ROCK1: variants seen among roughly 807,000 people sequenced by gnomAD.
ROCK1 encodes the protein rho-associated protein kinase 1.
ROCK1 carries 36 observed loss-of-function variants against 196.8 expected under a neutral mutation model. That is an observed-to-expected ratio of 0.18 (90% CI 0.14 to 0.24). ROCK1 has a LOEUF of 0.24. Among genes scored for constraint, ROCK1 ranks in the 10% least tolerant of loss-of-function variants. The pLI is 1.00. For missense variants in ROCK1, 920 were observed against 1,562.0 expected (o/e 0.59, Z 6.93); for synonymous variants, 443 against 515.9 (o/e 0.86, Z 1.91).
At chr18:20,973,728 T>C (rs566260340) in intron 22 of ROCK1, among the ~76,000 whole-genome samples, 5 of 152,110 alleles carry the variant, frequency 3.3e-5, no homozygotes, top group African/African-American at 4.8e-5. Flanking sequence ...ACCAAGATAA[T>C]GAGTAGCCTT....
At position 20,967,848 on chromosome 18, in the gene ROCK1, C is replaced by T. The variant is rs568092015; in HGVS notation, c.3096G>A (p.Lys1032=). ...GTTCCAGTTGCAGCTTTCGATTTTC[C>T]TTTTCTTTCTTTCTCAAATCTTGTG... ...ANTQDLRKKE[K]ENRKLQLELN... Residue 1032 remains lysine (K), a synonymous_variant, in exon 26 of 33, where the codon AAG becomes AAA. Transcript: ENST00000399799. 5.6e-6 allele frequency: 9 copies of T among 1,609,502 alleles called. No homozygotes were observed. Among genetic ancestry groups the T allele is most frequent in the Non-Finnish European group, 7.6e-6 (9 of 1,177,602 alleles).
intron 10 of ROCK1, among the ~76,000 whole-genome samples, chr18:21,025,523 G>T (rs1390368340): frequency 6.6e-6 from 1 of 152,130 alleles, no homozygotes; most frequent in Non-Finnish European, 1.5e-5. Flanking sequence ...CCAGGGGTTT[G>T]AGACCAGCCT....
intron 12 of ROCK1, 132 bp downstream of exon 12, chr18:21,020,019 G>A (rs1208928222): frequency 4.1e-6 from 2 of 488,226 alleles, no homozygotes; most frequent in South Asian, 3.5e-5. Flanking sequence ...GACACATCAT[G>A]AATGTATTAT....
chr18:20,951,144 T>C lies in ROCK1; in HGVS notation c.*240A>G. 1 of 387,744 alleles carries C rather than the reference T, an allele frequency of 2.6e-6. No homozygotes were observed. The allele number at this position is 387,744 out of a possible 1,614,324, so 24.0% of individuals were successfully genotyped here. ...TTAAAAAAAATATATCTACCTAAGC[T>C]TTCCCCCAACTGTACTTGCATTACA... On this transcript the variant is annotated 3_prime_UTR_variant, in exon 33 of 33. Coordinates refer to ENST00000399799, the MANE Select transcript of ROCK1 (RefSeq NM_005406.3).
intron 9 of ROCK1, among the ~76,000 whole-genome samples, chr18:21,037,467 C>A (rs1297746948): frequency 6.6e-6 from 1 of 151,818 alleles, no homozygotes; most frequent in Non-Finnish European, 1.5e-5. Flanking sequence ...TTTAGCAGGT[C>A]AAAGAGGTCA....
chr18:20,953,279 A>G (rs1437092265), intron 32 of ROCK1: 1 of 234,554 alleles, frequency 4.3e-6, no homozygotes, highest in Non-Finnish European at 8.2e-6. Context: ...TTTTATATGA[A>G]TTTCTGCATT....
chr18:21,093,063 C>T (rs1271928739), intron 1 of ROCK1, among the ~76,000 whole-genome samples: 4 of 152,194 alleles, frequency 2.6e-5, no homozygotes, highest in African/African-American at 7.2e-5. Flanking sequence ...ATGATGCAGA[C>T]CTATGCTCAT....
At position 21,111,782 on chromosome 18, in the gene ROCK1, G is replaced by A. The variant is rs1312808957; in HGVS notation, c.-872C>T. The A allele has an allele frequency of 6.6e-6, 1 of 151,918 alleles. No homozygotes were observed. The highest frequency in any genetic ancestry group is 2.4e-5 in the African/African-American group (1 of 41,340). The allele number at this position is 151,918 out of a possible 1,614,324, so 9.4% of individuals were successfully genotyped here. Reference sequence around the variant, plus strand: ...GAGGGACTAATATGTCCGCCTTCCTGTTCAAACAAACGGAGACCGCCGGGG... The same window carrying A: ...GAGGGACTAATATGTCCGCCTTCCTATTCAAACAAACGGAGACCGCCGGGG... On this transcript the variant is annotated 5_prime_UTR_variant, in exon 1 of 33. Coordinates refer to ENST00000399799, the MANE Select transcript of ROCK1 (RefSeq NM_005406.3). This position sits in a 1 kb window ranked among gnomAD's most constrained non-coding sequence, Gnocchi z 4.2.
At chr18:21,034,360 C>T (rs184131255) in intron 9 of ROCK1, among the ~76,000 whole-genome samples, 2 of 152,210 alleles carry the variant, frequency 1.3e-5, no homozygotes, top group Admixed American at 6.5e-5. Flanking sequence ...TGAAAAAGAA[C>T]GAAGTTGAAA....
chr18:21,008,251 A>C, intron 13 of ROCK1, 57 bp from the exon 14 acceptor site: 1 of 1,278,802 alleles, frequency 7.8e-7, no homozygotes, highest in South Asian at 1.5e-5. Context: ...CATTCATTCA[A>C]GTGAGTATTT....
At chr18:20,959,012 TAATA>T (rs1311310651) in intron 29 of ROCK1, among the ~76,000 whole-genome samples, 7 of 73,432 alleles carry the variant, frequency 9.5e-5, no homozygotes, top group Non-Finnish European at 1.6e-4. Flanking sequence ...ATATTTTATA[TAATA>T]TATATAATAT....
rs535468477 is a variant in ROCK1, at chr18:20,953,250, C to T, written c.4061+328G>A. 3.6e-4 allele frequency: 69 copies of T among 190,062 alleles called. 1 individual carries two copies. Among genetic ancestry groups the T allele is most frequent in the Admixed American group, 9.4e-4 (16 of 17,022 alleles). The allele number at this position is 190,062 out of a possible 1,614,324, so 11.8% of individuals were successfully genotyped here. The stretch of plus-strand genomic sequence containing the variant: ...AAACTATGCCAACACAGTTAAAAAA[C>T]AGAAAAGATGATGAAAAGTTTTATA... On this transcript the variant is annotated intron_variant, in intron 32 of 32. Transcript: ENST00000399799.
At chr18:21,067,349 A>G (rs1212635311) in intron 2 of ROCK1, among the ~76,000 whole-genome samples, 1 of 150,490 alleles carries the variant, frequency 6.6e-6, no homozygotes, top group African/African-American at 2.4e-5. Context: ...ATGATTTGCT[A>G]ATGTTTTCCT....
chr18:20,956,798 CAGA>C (rs1220172048), intron 29 of ROCK1, among the ~76,000 whole-genome samples: 1 of 151,976 alleles, frequency 6.6e-6, no homozygotes, highest in Non-Finnish European at 1.5e-5. Flanking sequence ...GATTCTTATT[CAGA>C]ATATATCTAG....
At chr18:21,067,195 A>G (rs576753141) in intron 2 of ROCK1, among the ~76,000 whole-genome samples, 9 of 152,228 alleles carry the variant, frequency 5.9e-5, no homozygotes, top group African/African-American at 2.2e-4. Flanking sequence ...AGTTCTGCAC[A>G]TGTTTACTGG....
chr18:20,969,321 C>T, intron 23 of ROCK1, 113 bp from the exon 24 acceptor site: 1 of 570,980 alleles, frequency 1.8e-6, no homozygotes, highest in South Asian at 2.7e-5. Context: ...TGCTGAACTA[C>T]AGCAAATGTC....
At chr18:21,020,848 T>C (rs1259326554) in intron 11 of ROCK1, among the ~76,000 whole-genome samples, 1 of 152,210 alleles carries the variant, frequency 6.6e-6, no homozygotes, top group African/African-American at 2.4e-5. Flanking sequence ...CAACTCACAT[T>C]AAGCCTAAGA....
chr18:20,949,635 G>C lies in ROCK1; in HGVS notation c.*1749C>G, dbSNP rs910240309. ...AGGTTGTCAGAGCCTCTGCTTCCCT[G>C]ATGTGTAGAAATGCAAGAGACCCAT... On this transcript the variant is annotated 3_prime_UTR_variant, in exon 33 of 33. Coordinates refer to ENST00000399799, the MANE Select transcript of ROCK1 (RefSeq NM_005406.3). 1.3e-5 allele frequency: 2 copies of C among 152,256 alleles called. No homozygotes were observed. The highest frequency in any genetic ancestry group is 4.8e-5 in the African/African-American group (2 of 41,456). 9.4% of individuals were successfully genotyped at this position (152,256 alleles called of 1,614,324 possible). A position where few individuals can be genotyped will look rare whatever the true frequency, so the allele number is the denominator to read the frequency against.
chr18:21,015,607 T>A, intron 12 of ROCK1, 128 bp from the exon 13 acceptor site: 2 of 666,154 alleles, frequency 3.0e-6, no homozygotes, highest in Non-Finnish European at 5.3e-6. Context: ...ATGGATCTCT[T>A]TGGCAGTCAA....
Sources: allele counts gnomAD v4.1 joint callset (sites outside exome capture counted in the v4.1 genomes callset), GRCh38; gene constraint gnomAD v4.1.1; non-coding constraint Gnocchi (gnomAD v3.1); transcripts MANE v1.5; gene names NCBI Gene and HGNC (gene_info 2026-07-23, HGNC 2026-07-21).